The following TXNDC11 variants were observed in gnomAD, a reference collection of about 807,000 sequenced individuals.
TXNDC11 encodes thioredoxin domain containing 11, also known as thioredoxin domain-containing protein 11.
A neutral mutation model predicts 78.0 loss-of-function variants in TXNDC11; 68 were observed. That is an observed-to-expected ratio of 0.87 (90% CI 0.72 to 1.07). The LOEUF (loss-of-function observed/expected upper bound fraction) is 1.07, where lower values mean the gene tolerates loss of function less well. Ranked by LOEUF, TXNDC11 falls within the 50% of genes least tolerant of loss-of-function variation. The pLI, the probability that TXNDC11 is intolerant of heterozygous loss-of-function variation, is 0.00. For missense variants in TXNDC11, 1,389 were observed against 1,221.8 expected (o/e 1.14, Z -2.04); for synonymous variants, 571 against 495.2 (o/e 1.15, Z -2.03).
chr16:11,733,668 C>T (rs2052125632), intron 3 of TXNDC11, among the ~76,000 whole-genome samples: 1 of 152,220 alleles, frequency 6.6e-6, no homozygotes, highest in Admixed American at 6.5e-5. Context: ...TTACAAAACA[C>T]TCTTACGATA....
intron 5 of TXNDC11, among the ~76,000 whole-genome samples, chr16:11,703,921 A>ATC (rs1194735750): frequency 4.6e-5 from 7 of 152,154 alleles, no homozygotes; most frequent in African/African-American, 1.7e-4. Flanking sequence ...GTGAAACCCC[A>ATC]TCTCTACTAA....
At chr16:11,694,732 C>T (rs548911109) in intron 7 of TXNDC11, among the ~76,000 whole-genome samples, 24 of 152,308 alleles carry the variant, frequency 1.6e-4, no homozygotes, top group Non-Finnish European at 2.6e-4. Context: ...GGATTACAGG[C>T]GTGAGCCACT....
At chr16:11,735,653 C>T (rs1374400410) in intron 2 of TXNDC11, among the ~76,000 whole-genome samples, 1 of 152,134 alleles carries the variant, frequency 6.6e-6, no homozygotes, top group African/African-American at 2.4e-5. Context: ...ACAATGCAGT[C>T]ATATCATACA....
At chr16:11,694,598 C>T (rs780428883) in intron 7 of TXNDC11, among the ~76,000 whole-genome samples, 2 of 151,580 alleles carry the variant, frequency 1.3e-5, no homozygotes, top group Non-Finnish European at 2.9e-5. Flanking sequence ...CAGGCGCACA[C>T]CACCATGCCT....
intron 6 of TXNDC11, among the ~76,000 whole-genome samples, chr16:11,700,009 T>C (rs2141030416): frequency 6.6e-6 from 1 of 152,326 alleles, no homozygotes; most frequent in South Asian, 2.1e-4. Flanking sequence ...TCACTGTGAC[T>C]TGACAAGAAC....
intron 5 of TXNDC11, among the ~76,000 whole-genome samples, chr16:11,718,340 G>A (rs761538371): frequency 1.3e-5 from 2 of 152,140 alleles, no homozygotes; most frequent in Non-Finnish European, 2.9e-5. Context: ...GCTGAACCAA[G>A]GCATCTGCTT....
At chr16:11,739,325 G>T (rs555055084) in intron 1 of TXNDC11, among the ~76,000 whole-genome samples, 1 of 152,156 alleles carries the variant, frequency 6.6e-6, no homozygotes, top group Non-Finnish European at 1.5e-5. Flanking sequence ...AGCTATGAGG[G>T]GTATGTCTCG....
intron 8 of TXNDC11, chr16:11,690,932 C>A: frequency 3.9e-6 from 1 of 258,798 alleles, no homozygotes; most frequent in Non-Finnish European, 7.4e-6. Context: ...CTAGGACATC[C>A]CACCAGAATA....
chr16:11,733,989 G>T lies in TXNDC11; in HGVS notation c.562C>A (p.His188Asn). The change falls in exon 3 of 12, where the codon CAT becomes AAT. Residue 188 changes from histidine to asparagine, a missense_variant. His to Asn is a moderately conservative substitution (Grantham distance 68, BLOSUM62 1). Transcript: ENST00000283033. ...FFYFPVIYLY[H>N]RSFGPIEYKG... ...TATTTAAAAAGTTCTTACCTCCGAT[G>T]ATACAGATATATTACAGGAAAATAA... 6.2e-7 allele frequency: 1 copy of T among 1,604,670 alleles called. No homozygotes were observed. The highest frequency in any genetic ancestry group is 8.5e-7 in the Non-Finnish European group (1 of 1,175,668).
At chr16:11,703,596 G>T (rs200225105) in intron 5 of TXNDC11, 1 of 675,962 alleles carries the variant, frequency 1.5e-6, no homozygotes, top group Admixed American at 2.1e-5. Flanking sequence ...CACATGTGTG[G>T]GTATAATACA....
intron 9 of TXNDC11, 68 bp from the exon 10 acceptor site, chr16:11,688,034 T>C: frequency 7.9e-7 from 1 of 1,261,954 alleles, no homozygotes. Flanking sequence ...CTTTCCTCAT[T>C]GCTTAGAATC....
chr16:11,682,224 G>A (rs1336802466), intron 11 of TXNDC11, among the ~76,000 whole-genome samples: 1 of 152,158 alleles, frequency 6.6e-6, no homozygotes, highest in African/African-American at 2.4e-5. Context: ...CCAAACACTC[G>A]CTTGGGACCA....
At chr16:11,683,425 T>C (rs968266955) in intron 11 of TXNDC11, among the ~76,000 whole-genome samples, 8 of 152,198 alleles carry the variant, frequency 5.3e-5, no homozygotes, top group Admixed American at 5.2e-4. Context: ...AAAGCCACCC[T>C]GTCCTCTGTA....
Position 11,734,222 on chromosome 16 carries a change from G to A in TXNDC11, c.472-143C>T, listed in dbSNP as rs2052152500. ...AAAAAAACTGTTTTGAGTTTTCAAAGGTCATAATTTATCACTAAAACAAAA... is the reference window on the plus strand; with the variant it reads ...AAAAAAACTGTTTTGAGTTTTCAAAAGTCATAATTTATCACTAAAACAAAA... On this transcript the variant is annotated intron_variant, in intron 2 of 11. Transcript: ENST00000283033. 16 of 664,096 alleles carry A rather than the reference G, an allele frequency of 2.4e-5. No individual in the cohort carries two copies. In the South Asian group the frequency reaches 2.4e-4, roughly 10 times the overall value. 41.1% of individuals were successfully genotyped at this position (664,096 alleles called of 1,614,324 possible).
chr16:11,715,359 C>T (rs2051497792), intron 5 of TXNDC11, among the ~76,000 whole-genome samples: 1 of 151,716 alleles, frequency 6.6e-6, no homozygotes, highest in African/African-American at 2.4e-5. Context: ...ACCTGTAGTT[C>T]TAGCTACTCA....
chr16:11,697,633 G>T (rs965045482), intron 7 of TXNDC11, among the ~76,000 whole-genome samples: 1 of 152,210 alleles, frequency 6.6e-6, no homozygotes, highest in African/African-American at 2.4e-5. Flanking sequence ...GACAGGGAAG[G>T]TTCAGAGAAA....
At chr16:11,739,878 G>A (rs771781934) in intron 1 of TXNDC11, among the ~76,000 whole-genome samples, 17 of 151,724 alleles carry the variant, frequency 1.1e-4, no homozygotes, top group South Asian at 2.1e-4. Flanking sequence ...GCCTGGAGCT[G>A]TTCATAAAAA....
At chr16:11,698,458 G>T (rs370310699) in intron 6 of TXNDC11, 133 bp from the exon 7 acceptor site, 1 of 718,916 alleles carries the variant, frequency 1.4e-6, no homozygotes, top group Non-Finnish European at 2.3e-6. Flanking sequence ...TGGCCCCACT[G>T]TGCAGCTAAC....
chr16:11,691,255 G>C (rs770782008), intron 8 of TXNDC11, 35 bp downstream of exon 8: 1 of 1,553,512 alleles, frequency 6.4e-7, no homozygotes. Context: ...CAAGCAAAAT[G>C]TACAATGCTT....
Sources: gnomAD v4.1 joint callset for allele counts (sites outside exome capture counted in the v4.1 genomes callset) on GRCh38, gnomAD v4.1.1 for gene constraint, MANE v1.5 for transcripts, NCBI Gene and HGNC (gene_info 2026-07-23, HGNC 2026-07-21) for gene names.